ARMC9: variants seen among roughly 807,000 people sequenced by gnomAD.
The protein encoded by ARMC9 is armadillo repeat containing 9, also known as lisH domain-containing protein ARMC9.
Under a neutral mutation model 107.0 loss-of-function variants are expected in ARMC9, and 94 were observed. That is an observed-to-expected ratio of 0.88 (90% confidence interval 0.74 to 1.04). The LOEUF is 1.04. Among genes scored for constraint, ARMC9 ranks in the 50% least tolerant of loss-of-function variants. The probability of loss-of-function intolerance (pLI) is 0.00; values close to 1 mark genes in which losing one functional copy is unlikely to be tolerated. For missense variants in ARMC9, 942 were observed against 1,030.1 expected, an observed-to-expected ratio of 0.91 and a Z score of 1.17; for synonymous variants, 380 against 396.9, an observed-to-expected ratio of 0.96 and a Z score of 0.51.
chr2:231,296,939 A>G (rs1188914225), intron 19 of ARMC9, among the ~76,000 whole-genome samples: 3 of 152,210 alleles, frequency 2.0e-5, no homozygotes, highest in African/African-American at 7.2e-5. Context: ...CTTCATTTGC[A>G]GGGAGCAGTT....
chr2:231,246,745 T>G (rs779425821), intron 9 of ARMC9, among the ~76,000 whole-genome samples: 7 of 152,186 alleles, frequency 4.6e-5, no homozygotes, highest in Non-Finnish European at 1.0e-4. Flanking sequence ...TAGTTCTGTT[T>G]GAAGTTCTTG....
intron 6 of ARMC9, among the ~76,000 whole-genome samples, chr2:231,223,375 C>T (rs1293779976): frequency 1.3e-5 from 2 of 152,174 alleles, no homozygotes; most frequent in African/African-American, 2.4e-5. Flanking sequence ...GGGGCACTAA[C>T]TGGACAAAGT....
chr2:231,230,450 G>A (rs2035103544), intron 7 of ARMC9, among the ~76,000 whole-genome samples: 1 of 152,166 alleles, frequency 6.6e-6, no homozygotes, highest in African/African-American at 2.4e-5. Context: ...AAAATAGAAA[G>A]TCCTGTTTAA....
rs370983173 is a variant in ARMC9, at chr2:231,208,109, A to C, written c.52-18A>C. Reference sequence around the variant, plus strand: ...TTTGTTTGTTTTGCTGTTGAATTGAATTATTTATTTTTTATAGTATTTAGA... The same window carrying C: ...TTTGTTTGTTTTGCTGTTGAATTGACTTATTTATTTTTTATAGTATTTAGA... On this transcript the variant is annotated intron_variant, in intron 2 of 24. Coordinates refer to ENST00000611582, the MANE Select transcript of ARMC9 (RefSeq NM_001352754.2). The C allele has an allele frequency of 1.5e-4, 162 of 1,102,762 alleles. 2 individuals carry two copies. The East Asian group carries it at 3.9e-3, about 27-fold the overall frequency. 68.3% of individuals were successfully genotyped at this position (1,102,762 alleles called of 1,614,324 possible).
At chr2:231,321,291 G>T (rs2042983755) in intron 19 of ARMC9, among the ~76,000 whole-genome samples, 1 of 152,136 alleles carries the variant, frequency 6.6e-6, no homozygotes, top group Non-Finnish European at 1.5e-5. Context: ...CAGAATTAGA[G>T]AGAGCCAAGG....
chr2:231,263,489 A>G (rs1216764891), intron 12 of ARMC9, among the ~76,000 whole-genome samples: 1 of 152,228 alleles, frequency 6.6e-6, no homozygotes, highest in Non-Finnish European at 1.5e-5. Flanking sequence ...TACTCGCACA[A>G]TAACTAACCC....
At chr2:231,301,138 CAT>C (rs2041699983) in intron 19 of ARMC9, among the ~76,000 whole-genome samples, 1 of 152,172 alleles carries the variant, frequency 6.6e-6, no homozygotes, top group Admixed American at 6.5e-5. Context: ...AATGAGATAA[CAT>C]AGAGATAGAA....
intron 21 of ARMC9, among the ~76,000 whole-genome samples, chr2:231,348,529 T>C (rs114649764): frequency 0.08 from 12,227 of 152,164 alleles, 1,454 homozygotes; most frequent in African/African-American, 0.26. Flanking sequence ...TCTGGGCAAA[T>C]ATTTCTTGAG....
chr2:231,332,181 A>G (rs2043788186), intron 20 of ARMC9, among the ~76,000 whole-genome samples: 2 of 152,212 alleles, frequency 1.3e-5, no homozygotes, highest in African/African-American at 4.8e-5. Context: ...CCCAGTAGCA[A>G]TTGCCTACCA....
intron 21 of ARMC9, among the ~76,000 whole-genome samples, chr2:231,348,746 A>G (rs2044913669): frequency 6.6e-6 from 1 of 152,238 alleles, no homozygotes; most frequent in Non-Finnish European, 1.5e-5. Context: ...GAAAAAGTCT[A>G]ATAGTTGGAT....
chr2:231,219,289 T>C (rs1024389840), intron 5 of ARMC9, among the ~76,000 whole-genome samples: 4 of 152,212 alleles, frequency 2.6e-5, no homozygotes, highest in African/African-American at 9.6e-5. Context: ...TAAAGACCTC[T>C]TCCATCTGGG....
At chr2:231,231,595 G>T (rs1445258899) in intron 7 of ARMC9, among the ~76,000 whole-genome samples, 1 of 151,898 alleles carries the variant, frequency 6.6e-6, no homozygotes, top group Non-Finnish European at 1.5e-5. Flanking sequence ...CGTTGGCCAG[G>T]CTGGTCTCGA....
chr2:231,204,092 T>C (rs1421277735), intron 1 of ARMC9, among the ~76,000 whole-genome samples: 1 of 151,040 alleles, frequency 6.6e-6, no homozygotes, highest in Non-Finnish European at 1.5e-5. Context: ...GAGGACTGCT[T>C]GAGTCCAGGA....
intron 19 of ARMC9, among the ~76,000 whole-genome samples, chr2:231,301,099 A>G (rs2041696500): frequency 3.3e-5 from 5 of 152,230 alleles, no homozygotes; most frequent in South Asian, 2.1e-4. Context: ...ACAGATCCAT[A>G]TATACTTTTG....
chr2:231,240,198 T>C, intron 9 of ARMC9, 157 bp downstream of exon 9: 1 of 702,420 alleles, frequency 1.4e-6, no homozygotes. Context: ...ATAAATCTGT[T>C]TTTGAAGAGG....
intron 6 of ARMC9, among the ~76,000 whole-genome samples, chr2:231,226,289 C>T (rs138911535): frequency 3.5e-4 from 54 of 152,336 alleles, no homozygotes; most frequent in African/African-American, 1.2e-3. Flanking sequence ...TGCAGCCAGA[C>T]GTGTGGGAAC....
intron 19 of ARMC9, among the ~76,000 whole-genome samples, chr2:231,319,489 T>G (rs376592262): frequency 1.3e-5 from 2 of 152,230 alleles, no homozygotes; most frequent in African/African-American, 4.8e-5. Flanking sequence ...CTAACCCAGA[T>G]GTGGGCATAA....
At chr2:231,346,646 T>C (rs2044829624) in intron 21 of ARMC9, among the ~76,000 whole-genome samples, 1 of 152,234 alleles carries the variant, frequency 6.6e-6, no homozygotes, top group Non-Finnish European at 1.5e-5. Flanking sequence ...ATTTTTTTGC[T>C]GAACTATCTG....
At position 231,338,530 on chromosome 2, in the gene ARMC9, A is replaced by G. The variant is rs957320219; in HGVS notation, c.1879-6445A>G. Reference sequence around the variant, plus strand: ...GCATGAGCCACCTCGCCCGGCCCCAATTCACTTTTTTTTTTTTTTTTTTTT... The same window carrying G: ...GCATGAGCCACCTCGCCCGGCCCCAGTTCACTTTTTTTTTTTTTTTTTTTT... On this transcript the variant is annotated intron_variant, in intron 20 of 24. Coordinates refer to ENST00000611582, the MANE Select transcript of ARMC9 (RefSeq NM_001352754.2). Among the ~76,000 whole-genome samples the G allele has an allele frequency of 3.8e-5, 5 of 132,064 alleles. No individual in the cohort carries two copies. In the South Asian group the frequency reaches 7.0e-4, roughly 18 times the overall value. 86.6% of individuals were successfully genotyped at this position (132,064 alleles called of 152,430 possible). A position where few individuals can be genotyped will look rare whatever the true frequency, so the allele number is the denominator to read the frequency against.
Sources: allele counts gnomAD v4.1 joint callset (sites outside exome capture counted in the v4.1 genomes callset), GRCh38; gene constraint gnomAD v4.1.1; transcripts MANE v1.5; gene names NCBI Gene and HGNC (gene_info 2026-07-23, HGNC 2026-07-21).